DLG2: variants seen among roughly 807,000 people sequenced by gnomAD.
DLG2 encodes the protein discs large MAGUK scaffold protein 2, also known as disks large homolog 2.
A neutral mutation model predicts 132.5 loss-of-function variants in DLG2; 45 were observed. That is an observed-to-expected ratio of 0.34 (90% CI 0.27 to 0.44). The LOEUF (loss-of-function observed/expected upper bound fraction) is 0.44. Ranked by LOEUF, DLG2 falls within the 20% of genes least tolerant of loss-of-function variation. The pLI, the probability that DLG2 is intolerant of heterozygous loss-of-function variation, is 1.00. For synonymous variants in DLG2, 424 were observed against 419.6 expected, an observed-to-expected ratio of 1.01 and a Z score of -0.13; for missense variants, 1,045 against 1,196.9, an observed-to-expected ratio of 0.87 and a Z score of 1.87.
chr11:85,245,775 C>A (rs866350649), intron 4 of DLG2, among the ~76,000 whole-genome samples: 9 of 152,062 alleles, frequency 5.9e-5, no homozygotes, highest in Admixed American at 3.3e-4. Context: ...ACCTGCTACA[C>A]TATACTTAAT....
chr11:83,898,795 A>G (rs1307293196), intron 15 of DLG2, among the ~76,000 whole-genome samples: 2 of 152,198 alleles, frequency 1.3e-5, no homozygotes, highest in African/African-American at 2.4e-5. Context: ...TCAAATATTT[A>G]TAGACTAATA....
Position 83,457,690 on chromosome 11 carries a change from G to C in DLG2, c.*2128C>G, listed in dbSNP as rs930291026. On this transcript the variant is annotated 3_prime_UTR_variant, in exon 28 of 28. Coordinates refer to ENST00000376104, the MANE Select transcript of DLG2 (RefSeq NM_001142699.3). ...GTTATCGTGGTGGCCTAAAAATAGA[G>C]CTGGGATCAGGAATGGCATTCTGGT... 1 of 152,356 alleles carries C rather than the reference G, an allele frequency of 6.6e-6. No homozygotes were observed. The highest frequency in any genetic ancestry group is 1.5e-5 in the Non-Finnish European group (1 of 68,026). The allele number at this position is 152,356 out of a possible 1,614,324, so 9.4% of individuals were successfully genotyped here. A position where few individuals can be genotyped will look rare whatever the true frequency, so the allele number is the denominator to read the frequency against.
intron 3 of DLG2, among the ~76,000 whole-genome samples, chr11:85,475,977 A>C (rs2093128984): frequency 6.6e-6 from 1 of 152,160 alleles, no homozygotes; most frequent in Admixed American, 6.5e-5. Flanking sequence ...ACTAACAAAC[A>C]ATCTATAGTT....
chr11:83,807,674 C>G (rs1416941637), intron 17 of DLG2, among the ~76,000 whole-genome samples: 1 of 152,070 alleles, frequency 6.6e-6, no homozygotes, highest in East Asian at 1.9e-4. Flanking sequence ...CTGTTTGTGA[C>G]CAAGAATTTA....
At chr11:83,842,857 G>A (rs926963318) in intron 16 of DLG2, among the ~76,000 whole-genome samples, 1 of 150,964 alleles carries the variant, frequency 6.6e-6, no homozygotes, top group Non-Finnish European at 1.5e-5. Context: ...TACTTACACT[G>A]AAGTCTTTCT....
chr11:83,870,367 G>A (rs138642776), intron 16 of DLG2, among the ~76,000 whole-genome samples: 6 of 152,260 alleles, frequency 3.9e-5, no homozygotes, highest in African/African-American at 1.4e-4. Context: ...TGTGGCATTC[G>A]TCTTTCTGTT....
chr11:83,838,493 A>G (rs1595199011), intron 16 of DLG2, among the ~76,000 whole-genome samples: 1 of 152,220 alleles, frequency 6.6e-6, no homozygotes, highest in South Asian at 2.1e-4. Flanking sequence ...CTGTCTCACA[A>G]TCCAAAAGTC....
intron 6 of DLG2, among the ~76,000 whole-genome samples, chr11:84,578,879 C>T (rs1425001891): frequency 6.6e-6 from 1 of 152,078 alleles, no homozygotes; most frequent in East Asian, 1.9e-4. Flanking sequence ...CCAGAATTCC[C>T]ACATGTTGTG....
At chr11:83,906,529 A>G (rs12286986) in intron 15 of DLG2, among the ~76,000 whole-genome samples, 14,710 of 152,172 alleles carry the variant, frequency 0.097, 845 homozygotes, top group Middle Eastern at 0.2. Flanking sequence ...TATTATTAGC[A>G]TCTACTTTTG....
At chr11:84,484,861 T>C (rs1440947059) in intron 7 of DLG2, among the ~76,000 whole-genome samples, 1 of 152,156 alleles carries the variant, frequency 6.6e-6, no homozygotes, top group Non-Finnish European at 1.5e-5. Context: ...CACTGATGTT[T>C]TAAATTTGAA....
In DLG2 at chr11:84,064,523, C is replaced by A. The variant is rs144755917; in HGVS notation, c.750-5039G>T. ...ACTTGACATCTCAAAGCCTCAGTTT[C>A]TTCATCTGAAAATAGGGATAATGAG... On this transcript the variant is annotated intron_variant, in intron 10 of 27. Transcript: ENST00000376104. Among the ~76,000 whole-genome samples the A allele has an allele frequency of 5.7e-3, 868 of 152,236 alleles. 10 individuals carry two copies. Among genetic ancestry groups the A allele is most frequent in the African/African-American group, 0.02 (814 of 41,534 alleles).
At chr11:85,501,366 C>T (rs1747134586) in intron 3 of DLG2, among the ~76,000 whole-genome samples, 1 of 152,128 alleles carries the variant, frequency 6.6e-6, no homozygotes, top group Admixed American at 6.6e-5. Flanking sequence ...TGGGCAAAGG[C>T]TTCATGTCTA....
chr11:85,387,951 A>T lies in DLG2; in HGVS notation c.41-102586T>A, dbSNP rs1045895947. Among the ~76,000 whole-genome samples, 3 of 152,160 alleles carry T rather than the reference A, an allele frequency of 2.0e-5. No individual in the cohort carries two copies. In the South Asian group the frequency reaches 6.2e-4, roughly 31 times the overall value. ...GGAAAACTGAGAGAATCCACAGACC[A>T]TTTGAAGGAGGTGGAATGCCACTGC... On this transcript the variant is annotated intron_variant, in intron 3 of 27. Transcript: ENST00000376104.
At chr11:85,063,314 G>T (rs560000325) in intron 6 of DLG2, among the ~76,000 whole-genome samples, 1 of 151,910 alleles carries the variant, frequency 6.6e-6, no homozygotes, top group South Asian at 2.1e-4. Flanking sequence ...TCTGTTTTCT[G>T]GGGAGCCTGG....
At chr11:85,492,549 T>C (rs957404675) in intron 3 of DLG2, among the ~76,000 whole-genome samples, 5 of 152,212 alleles carry the variant, frequency 3.3e-5, no homozygotes, top group Non-Finnish European at 7.4e-5. Context: ...CATTTATATT[T>C]AACATTTTTG....
At chr11:84,004,106 G>A (rs1023427568) in intron 11 of DLG2, among the ~76,000 whole-genome samples, 3 of 152,094 alleles carry the variant, frequency 2.0e-5, no homozygotes, top group Non-Finnish European at 4.4e-5. Context: ...AGTATTCCCT[G>A]ATACCAAAAC....
chr11:84,667,498 G>GTTTTTTTTTTTT (rs57863742), intron 6 of DLG2, among the ~76,000 whole-genome samples: 12 of 122,246 alleles, frequency 9.8e-5, no homozygotes, highest in South Asian at 2.7e-4. Context: ...TTTGTTTTTT[G>GTTTTTTTTTTTT]TTTTTTTTTT....
intron 3 of DLG2, among the ~76,000 whole-genome samples, chr11:85,574,797 C>A (rs1441005485): frequency 6.6e-6 from 1 of 152,180 alleles, no homozygotes; most frequent in African/African-American, 2.4e-5. Context: ...TGAGCAGATG[C>A]GGGTGCCAGG....
At chr11:83,701,287 A>G (rs1208623045) in intron 18 of DLG2, among the ~76,000 whole-genome samples, 1 of 152,196 alleles carries the variant, frequency 6.6e-6, no homozygotes, top group Non-Finnish European at 1.5e-5. Flanking sequence ...CATCAATAAA[A>G]TTAGGATAAA....
Sources: gnomAD v4.1 joint callset for allele counts (sites outside exome capture counted in the v4.1 genomes callset) on GRCh38, gnomAD v4.1.1 for gene constraint, MANE v1.5 for transcripts, NCBI Gene and HGNC (gene_info 2026-07-23, HGNC 2026-07-21) for gene names.